Variants in DACH2 observed in about 807,000 individuals in gnomAD.
DACH2 encodes dachshund homolog 2.
In DACH2, 17 loss-of-function variants were observed where a neutral mutation model predicts 35.8. The observed-to-expected ratio is 0.48, with a 90% CI of 0.33 to 0.71. The LOEUF is 0.71. DACH2 is among the 30% of genes least tolerant of loss of function. The pLI is 0.02. For missense variants in DACH2, 469 were observed against 472.7 expected (o/e 0.99, Z 0.07); for synonymous variants, 195 against 177.3 (o/e 1.10, Z -0.79).
chrX:86,506,601 C>T (rs749104488), intron 2 of DACH2, among the ~76,000 whole-genome samples: 56 of 110,519 alleles, frequency 5.1e-4, no homozygotes, highest in African/African-American at 1.5e-3. Flanking sequence ...TGCTATGTTG[C>T]GCAGGCTCGT....
At chrX:86,434,097 A>T (rs1255671203) in intron 2 of DACH2, among the ~76,000 whole-genome samples, 1 of 112,465 alleles carries the variant, frequency 8.9e-6, no homozygotes, top group Non-Finnish European at 1.9e-5. Flanking sequence ...AGAAAAAAAC[A>T]TACTTTTTAA....
In DACH2 at chrX:86,714,207, G is replaced by A. The variant is rs185734198; in HGVS notation, c.932-341G>A. On this transcript the variant is annotated intron_variant, in intron 5 of 11. Coordinates refer to ENST00000373125, the MANE Select transcript of DACH2 (RefSeq NM_053281.3). Reference sequence around the variant, plus strand: ...CATTATTGTTATGATGTTACAAAATGGTTATAATGATTAAGAAGAAAGTTC... The same window carrying A: ...CATTATTGTTATGATGTTACAAAATAGTTATAATGATTAAGAAGAAAGTTC... 1.5e-4 allele frequency among the ~76,000 whole-genome samples: 17 copies of A among 111,638 alleles called. No homozygotes were observed. In the East Asian group the frequency reaches 3.7e-3, roughly 24 times the overall value.
At chrX:86,206,663 G>A (rs1036495969) in intron 1 of DACH2, among the ~76,000 whole-genome samples, 1 of 112,039 alleles carries the variant, frequency 8.9e-6, no homozygotes, top group African/African-American at 3.2e-5. Flanking sequence ...AAGTCATTTA[G>A]CCTTGCTAAA....
intron 2 of DACH2, among the ~76,000 whole-genome samples, chrX:86,496,174 TTGAA>T (rs1297540822): frequency 2.7e-5 from 3 of 111,706 alleles, no homozygotes; most frequent in African/African-American, 3.2e-5. Context: ...GAAAAACAAT[TTGAA>T]TGAAGGAAGT....
intron 2 of DACH2, among the ~76,000 whole-genome samples, chrX:86,424,663 C>G (rs1276716124): frequency 9.0e-6 from 1 of 111,226 alleles, no homozygotes; most frequent in Non-Finnish European, 1.9e-5. Flanking sequence ...AATTTTGATG[C>G]CCTTTATATC....
chrX:86,263,963 G>A (rs898881057), intron 1 of DACH2, among the ~76,000 whole-genome samples: 35 of 111,828 alleles, frequency 3.1e-4, no homozygotes, highest in Non-Finnish European at 6.0e-4. Context: ...AATTCAAGAG[G>A]CAATTGATTG....
intron 2 of DACH2, among the ~76,000 whole-genome samples, chrX:86,472,188 C>CTGTA (rs1053908426): frequency 8.9e-6 from 1 of 111,758 alleles, no homozygotes; most frequent in African/African-American, 3.2e-5. Flanking sequence ...ACAGCTCTTA[C>CTGTA]TACAACATTG....
intron 1 of DACH2, among the ~76,000 whole-genome samples, chrX:86,180,612 C>A (rs1376536204): frequency 9.0e-6 from 1 of 110,738 alleles, no homozygotes; most frequent in Non-Finnish European, 1.9e-5. Flanking sequence ...CTGGTTCAGG[C>A]CACTAAGAAG....
chrX:86,241,127 A>G (rs890589858), intron 1 of DACH2, among the ~76,000 whole-genome samples: 1 of 112,230 alleles, frequency 8.9e-6, no homozygotes, highest in Non-Finnish European at 1.9e-5. Flanking sequence ...GAACTGGGTA[A>G]TGGGCAGAGG....
intron 7 of DACH2, among the ~76,000 whole-genome samples, chrX:86,757,460 A>C (rs1328720486): frequency 8.9e-6 from 1 of 112,156 alleles, no homozygotes; most frequent in East Asian, 2.8e-4. Context: ...TAATCTTTGG[A>C]AAGTTTTATA....
At chrX:86,193,060 C>T (rs1196281188) in intron 1 of DACH2, among the ~76,000 whole-genome samples, 1 of 111,584 alleles carries the variant, frequency 9.0e-6, no homozygotes, top group East Asian at 2.8e-4. Flanking sequence ...TTCTATTTCA[C>T]TTATTAATTT....
intron 1 of DACH2, among the ~76,000 whole-genome samples, chrX:86,320,570 T>C (rs1324855080): frequency 8.9e-6 from 1 of 112,182 alleles, no homozygotes; most frequent in Non-Finnish European, 1.9e-5. Flanking sequence ...AGGCCAGCAG[T>C]CCTGCCATAT....
intron 1 of DACH2, among the ~76,000 whole-genome samples, chrX:86,346,122 A>T (rs2035492154): frequency 9.0e-6 from 1 of 111,256 alleles, no homozygotes; most frequent in Non-Finnish European, 1.9e-5. Context: ...CTTTCTTTTA[A>T]TCTAATATTT....
chrX:86,629,698 T>C (rs1167666632), intron 3 of DACH2, among the ~76,000 whole-genome samples: 1 of 106,949 alleles, frequency 9.4e-6, no homozygotes, highest in South Asian at 4.2e-4. Context: ...GCCTGAGCAA[T>C]ATGGTGAAAC....
chrX:86,182,366 G>A (rs904421108), intron 1 of DACH2, among the ~76,000 whole-genome samples: 1 of 111,884 alleles, frequency 8.9e-6, no homozygotes, highest in Non-Finnish European at 1.9e-5. Flanking sequence ...TTTTGTATAA[G>A]GTGTAAGGAA....
intron 3 of DACH2, among the ~76,000 whole-genome samples, chrX:86,527,232 A>C (rs2038646566): frequency 9.0e-6 from 1 of 111,563 alleles, no homozygotes; most frequent in African/African-American, 3.2e-5. Flanking sequence ...ACATGAAATA[A>C]ATTGTACATA....
chrX:86,425,075 C>G (rs186769066), intron 2 of DACH2, among the ~76,000 whole-genome samples: 1 of 110,779 alleles, frequency 9.0e-6, no homozygotes, highest in Admixed American at 9.6e-5. Flanking sequence ...ATTTGATTTG[C>G]TAGCATTTTG....
At chrX:86,357,358 G>A (rs763299248) in intron 1 of DACH2, among the ~76,000 whole-genome samples, 31 of 112,021 alleles carry the variant, frequency 2.8e-4, no homozygotes, top group African/African-American at 1.0e-3. Flanking sequence ...ACTTAGTTCT[G>A]TGTTTTAGTT....
chrX:86,296,410 A>G (rs35228100), intron 1 of DACH2, among the ~76,000 whole-genome samples: 1 of 101,155 alleles, frequency 9.9e-6, no homozygotes, highest in African/African-American at 3.6e-5. Flanking sequence ...AAAAAAAAAA[A>G]GAAATATCTT....
Sources: gnomAD v4.1 joint callset for allele counts (sites outside exome capture counted in the v4.1 genomes callset) on GRCh38, gnomAD v4.1.1 for gene constraint, MANE v1.5 for transcripts, NCBI Gene and HGNC (gene_info 2026-07-23, HGNC 2026-07-21) for gene names.